CADM2: variants seen among roughly 807,000 people sequenced by gnomAD.
The protein encoded by CADM2 is cell adhesion molecule 2.
Under a neutral mutation model 49.8 loss-of-function variants are expected in CADM2, and 12 were observed. That is an observed-to-expected ratio of 0.24 (90% CI 0.15 to 0.39). CADM2 has a LOEUF of 0.39. CADM2 is among the 10% of genes least tolerant of loss of function. The pLI, the probability that CADM2 is intolerant of heterozygous loss-of-function variation, is 1.00. For synonymous variants in CADM2, 214 were observed against 175.4 expected, an observed-to-expected ratio of 1.22 and a Z score of -1.74; for missense variants, 378 against 492.3, an observed-to-expected ratio of 0.77 and a Z score of 2.20.
At chr3:85,209,879 G>A (rs1255274914) in intron 1 of CADM2, among the ~76,000 whole-genome samples, 3 of 152,086 alleles carry the variant, frequency 2.0e-5, no homozygotes, top group Admixed American at 6.6e-5. Context: ...TGACAGGATC[G>A]TAGAACATAA....
At chr3:85,903,504 T>G (rs1383528473) in intron 5 of CADM2, among the ~76,000 whole-genome samples, 1 of 152,208 alleles carries the variant, frequency 6.6e-6, no homozygotes, top group African/African-American at 2.4e-5. Flanking sequence ...CTTTTAGCAC[T>G]TGGGATATGC....
At chr3:85,471,232 G>C (rs912431933) in intron 1 of CADM2, among the ~76,000 whole-genome samples, 1 of 152,036 alleles carries the variant, frequency 6.6e-6, no homozygotes, top group African/African-American at 2.4e-5. Context: ...CATATTCCAG[G>C]ATATTGCCAT....
At chr3:85,449,074 AATG>A (rs1386672491) in intron 1 of CADM2, among the ~76,000 whole-genome samples, 5 of 148,090 alleles carry the variant, frequency 3.4e-5, no homozygotes, top group African/African-American at 7.3e-5. Context: ...TAATAATAAT[AATG>A]ATAAAAATTA....
intron 8 of CADM2, among the ~76,000 whole-genome samples, chr3:86,062,530 C>A (rs1200840611): frequency 6.6e-6 from 1 of 152,006 alleles, no homozygotes; most frequent in Non-Finnish European, 1.5e-5. Flanking sequence ...GTAATCCCAG[C>A]ACTTTGGGAG....
At position 85,054,168 on chromosome 3, in the gene CADM2, GA is replaced by G. The variant is rs1275307773; in HGVS notation, c.61+94503del. On this transcript the variant is annotated intron_variant, in intron 1 of 9. Coordinates refer to ENST00000383699, the MANE Select transcript of CADM2 (RefSeq NM_001167675.2). The stretch of plus-strand genomic sequence containing the variant: ...AGAGTGCAAGGACTTAAAACAAGAA[GA>G]AAGGAAGAGAAATTTTAAAGCTTAT... Among the ~76,000 whole-genome samples the G allele has an allele frequency of 4.0e-5, 6 of 151,834 alleles. 1 individual carries two copies. The East Asian group carries it at 7.7e-4, about 20-fold the overall frequency.
chr3:85,738,883 C>T (rs1014019762), intron 2 of CADM2, among the ~76,000 whole-genome samples: 2 of 152,122 alleles, frequency 1.3e-5, no homozygotes, highest in African/African-American at 4.8e-5. Context: ...TTCATCTATT[C>T]ATTACCCAAA....
chr3:85,851,553 C>A (rs2075110003), intron 3 of CADM2, among the ~76,000 whole-genome samples: 1 of 150,760 alleles, frequency 6.6e-6, no homozygotes, highest in South Asian at 2.1e-4. Context: ...GTTACTTTAT[C>A]ATTTTTCATG....
chr3:85,788,711 G>A (rs2071152177), intron 2 of CADM2, among the ~76,000 whole-genome samples: 3 of 151,546 alleles, frequency 2.0e-5, no homozygotes, highest in African/African-American at 7.3e-5. Flanking sequence ...GGAAAAACCA[G>A]CATGAAAACC....
intron 7 of CADM2, among the ~76,000 whole-genome samples, chr3:85,949,821 C>T (rs934467170): frequency 4.6e-5 from 7 of 150,782 alleles, no homozygotes; most frequent in African/African-American, 7.3e-5. Context: ...GGTTAATGAG[C>T]ACTATTTTAT....
chr3:85,851,856 G>A (rs1251795429), intron 3 of CADM2, among the ~76,000 whole-genome samples: 1 of 151,960 alleles, frequency 6.6e-6, no homozygotes, highest in Non-Finnish European at 1.5e-5. Context: ...GAACAACTTA[G>A]GTGATGGGGA....
In CADM2 at chr3:85,212,731, C is replaced by A. The variant is rs148468307; in HGVS notation, c.61+253063C>A. Among the ~76,000 whole-genome samples, 661 of 151,840 alleles carry A rather than the reference C, an allele frequency of 4.4e-3. 3 individuals carry two copies. The highest frequency in any genetic ancestry group is 0.014 in the African/African-American group (586 of 41,428). On this transcript the variant is annotated intron_variant, in intron 1 of 9. Coordinates refer to ENST00000383699, the MANE Select transcript of CADM2 (RefSeq NM_001167675.2). ...ACTCAAGATATGAGTGGTTTATACA[C>A]CCCAATTACAGTGTTATAATATTCT...
intron 2 of CADM2, among the ~76,000 whole-genome samples, chr3:85,778,362 C>T (rs529849510): frequency 2.0e-5 from 3 of 152,006 alleles, no homozygotes; most frequent in Non-Finnish European, 4.4e-5. Flanking sequence ...GGTTTGGCTC[C>T]GTGTCCCCAC....
At chr3:85,299,466 T>G (rs1336161440) in intron 1 of CADM2, among the ~76,000 whole-genome samples, 2 of 152,086 alleles carry the variant, frequency 1.3e-5, no homozygotes, top group Non-Finnish European at 2.9e-5. Flanking sequence ...GGTTAATATA[T>G]TAAATATTCA....
At chr3:85,597,495 T>A (rs192206830) in intron 1 of CADM2, among the ~76,000 whole-genome samples, 122 of 152,246 alleles carry the variant, frequency 8.0e-4, no homozygotes, top group African/African-American at 2.6e-3. Context: ...CCACTGATAT[T>A]TTAGTTTCCA....
intron 3 of CADM2, among the ~76,000 whole-genome samples, chr3:85,825,334 A>T (rs2073845384): frequency 6.6e-6 from 1 of 152,082 alleles, no homozygotes; most frequent in African/African-American, 2.4e-5. Context: ...CATGGACCAG[A>T]AAAGGTGAGG....
At chr3:85,776,359 A>T (rs1441080117) in intron 2 of CADM2, among the ~76,000 whole-genome samples, 1 of 151,786 alleles carries the variant, frequency 6.6e-6, no homozygotes, top group Non-Finnish European at 1.5e-5. Context: ...ACACACACAC[A>T]CACACAGAGT....
chr3:86,015,257 GT>G (rs1732071268), intron 8 of CADM2: 1 of 211,054 alleles, frequency 4.7e-6, no homozygotes, highest in Non-Finnish European at 9.3e-6. Context: ...TAATGTACCT[GT>G]TTAAATGGCC....
At chr3:85,602,776 A>G (rs989362355) in intron 1 of CADM2, among the ~76,000 whole-genome samples, 5 of 151,892 alleles carry the variant, frequency 3.3e-5, no homozygotes, top group African/African-American at 1.2e-4. Flanking sequence ...TTTGCAATTA[A>G]TACTGGCAGA....
chr3:85,555,939 A>G (rs1289366700), intron 1 of CADM2, among the ~76,000 whole-genome samples: 2 of 152,154 alleles, frequency 1.3e-5, no homozygotes, highest in Non-Finnish European at 2.9e-5. Flanking sequence ...TGTGACTAAC[A>G]TGTACTGTCT....
Sources: gnomAD v4.1 joint callset for allele counts (sites outside exome capture counted in the v4.1 genomes callset) on GRCh38, gnomAD v4.1.1 for gene constraint, MANE v1.5 for transcripts, NCBI Gene and HGNC (gene_info 2026-07-23, HGNC 2026-07-21) for gene names.